Variants in CNTN6 observed in about 807,000 individuals in gnomAD.
CNTN6 encodes contactin-6.
Under a neutral mutation model 122.8 loss-of-function variants are expected in CNTN6, and 137 were observed. The ratio of observed to expected loss-of-function variants is 1.12; its 90% CI spans 0.97 to 1.29. The LOEUF (loss-of-function observed/expected upper bound fraction) is 1.29, where lower values mean the gene tolerates loss of function less well. Among genes scored for constraint, CNTN6 ranks in the 50% most tolerant of loss-of-function variants. The pLI is 0.00. For synonymous variants in CNTN6, 570 were observed against 426.0 expected (o/e 1.34, Z -4.16); for missense variants, 1,634 against 1,223.4 (o/e 1.34, Z -5.01).
chr3:1,336,036 G>A (rs755987012), intron 11 of CNTN6, among the ~76,000 whole-genome samples: 1 of 142,226 alleles, frequency 7.0e-6, no homozygotes, highest in Non-Finnish European at 1.6e-5. Context: ...GGTAACAGAG[G>A]GAGACCCTGT....
chr3:1,196,453 A>AT (rs1358546273), intron 2 of CNTN6, among the ~76,000 whole-genome samples: 9 of 152,092 alleles, frequency 5.9e-5, no homozygotes, highest in African/African-American at 2.4e-5. Context: ...AGAAGAAGAG[A>AT]TTTTTTTGTT....
chr3:1,124,984 C>T (rs2092107407), intron 1 of CNTN6, among the ~76,000 whole-genome samples: 1 of 151,882 alleles, frequency 6.6e-6, no homozygotes. Flanking sequence ...CAGTGCCAGT[C>T]ACAAAGTAGT....
chr3:1,315,097 C>A (rs1161690339), intron 7 of CNTN6, among the ~76,000 whole-genome samples: 1 of 151,904 alleles, frequency 6.6e-6, no homozygotes, highest in Non-Finnish European at 1.5e-5. Context: ...GATAATGGCA[C>A]CATTTGTTTT....
chr3:1,342,314 G>C (rs2126040941), intron 11 of CNTN6, among the ~76,000 whole-genome samples: 1 of 152,204 alleles, frequency 6.6e-6, no homozygotes, highest in Non-Finnish European at 1.5e-5. Context: ...ATTTTTAGTA[G>C]GGAAGGGGTT....
rs140464913 is a variant in CNTN6, at chr3:1,176,512, A to G, written c.55+28449A>G. Among the ~76,000 whole-genome samples the G allele has an allele frequency of 3.9e-3, 596 of 152,320 alleles. 1 individual carries two copies. Among genetic ancestry groups the G allele is most frequent in the Non-Finnish European group, 5.9e-3 (404 of 68,034 alleles). On this transcript the variant is annotated intron_variant, in intron 2 of 22. Coordinates refer to ENST00000446702, the MANE Select transcript of CNTN6 (RefSeq NM_001289080.2). Reference sequence around the variant, plus strand: ...ACTAGCATGCAACGGTGATGGAGAAATATTAGCCACAAAGATACGAGGCAA... The same window carrying G: ...ACTAGCATGCAACGGTGATGGAGAAGTATTAGCCACAAAGATACGAGGCAA...
At chr3:1,130,012 G>C (rs1180375893) in intron 1 of CNTN6, among the ~76,000 whole-genome samples, 1 of 151,908 alleles carries the variant, frequency 6.6e-6, no homozygotes, top group Non-Finnish European at 1.5e-5. Flanking sequence ...AGTTTAAAAA[G>C]CAAATCTTTA....
chr3:1,356,865 C>T (rs1706635116), intron 12 of CNTN6, among the ~76,000 whole-genome samples: 1 of 151,736 alleles, frequency 6.6e-6, no homozygotes, highest in Admixed American at 6.6e-5. Context: ...ATTTCCTGTT[C>T]CAATATTGAA....
chr3:1,388,859 G>C (rs1175030558), intron 20 of CNTN6, among the ~76,000 whole-genome samples: 4 of 143,808 alleles, frequency 2.8e-5, no homozygotes, highest in African/African-American at 7.9e-5. Flanking sequence ...GGGAAGTTTA[G>C]AGAAAAAAGA....
chr3:1,127,799 A>T (rs1021593140), intron 1 of CNTN6, among the ~76,000 whole-genome samples: 2 of 151,862 alleles, frequency 1.3e-5, no homozygotes, highest in African/African-American at 4.8e-5. Flanking sequence ...CAGGCCTTTC[A>T]TTCGGCCAAA....
rs1290336036 is a variant in CNTN6 at position 1,372,933 on chromosome 3, A to G, written c.1764A>G (p.Ala588=). ...AAACAACCCTAGAAAGTTTATCTGC[A>G]GTAGCCGATATCATTGTTAGAGGTA... is the stretch of plus-strand genomic sequence containing the variant. ...TVQTTLESLS[A]VADIIVRGPP... is the part of the protein sequence containing the mutation. The change falls in exon 14 of 23, where the codon GCA becomes GCG. Residue 588 remains alanine (A), a synonymous_variant. Coordinates refer to ENST00000446702, the MANE Select transcript of CNTN6 (RefSeq NM_001289080.2). 2 of 1,586,410 alleles carry G rather than the reference A, an allele frequency of 1.3e-6. No homozygotes were observed. Among genetic ancestry groups the G allele is most frequent in the African/African-American group, 1.3e-5 (1 of 74,236 alleles).
At chr3:1,173,573 G>T (rs943900644) in intron 2 of CNTN6, among the ~76,000 whole-genome samples, 3 of 152,126 alleles carry the variant, frequency 2.0e-5, no homozygotes, top group African/African-American at 7.2e-5. Context: ...AATGCCCAAG[G>T]ATGTTCCACT....
intron 1 of CNTN6, among the ~76,000 whole-genome samples, chr3:1,140,449 A>T (rs1297815712): frequency 6.6e-6 from 1 of 152,172 alleles, no homozygotes; most frequent in Non-Finnish European, 1.5e-5. Flanking sequence ...ACTATCACCT[A>T]TATATGTAAA....
chr3:1,122,830 A>G lies in CNTN6; in HGVS notation c.-82-25097A>G, dbSNP rs1007837117. On this transcript the variant is annotated intron_variant, in intron 1 of 22. Coordinates refer to ENST00000446702, the MANE Select transcript of CNTN6 (RefSeq NM_001289080.2). ...TATTCCATTTTATGTACATATCACAATTTGTTTGTTAGTTGAGCATTTGGG... is the reference window on the plus strand; with the variant it reads ...TATTCCATTTTATGTACATATCACAGTTTGTTTGTTAGTTGAGCATTTGGG... Among the ~76,000 whole-genome samples the G allele has an allele frequency of 4.6e-5, 7 of 151,876 alleles. No individual in the cohort carries two copies. The East Asian group carries it at 5.8e-4, about 13-fold the overall frequency.
intron 4 of CNTN6, among the ~76,000 whole-genome samples, chr3:1,256,931 C>T (rs1264536019): frequency 6.6e-6 from 1 of 152,116 alleles, no homozygotes; most frequent in Non-Finnish European, 1.5e-5. Flanking sequence ...GTAGGTTATA[C>T]ATTTTAAATG....
intron 2 of CNTN6, among the ~76,000 whole-genome samples, chr3:1,207,313 C>T (rs939158272): frequency 1.3e-5 from 2 of 152,042 alleles, no homozygotes; most frequent in Admixed American, 6.6e-5. Context: ...TTACAAATCT[C>T]ATTGCTTTAA....
chr3:1,371,024 T>C (rs1170151531), intron 12 of CNTN6, among the ~76,000 whole-genome samples: 2 of 152,172 alleles, frequency 1.3e-5, no homozygotes, highest in East Asian at 3.9e-4. Context: ...CTTTTGTCAG[T>C]ATGTACCTTA....
intron 4 of CNTN6, among the ~76,000 whole-genome samples, chr3:1,262,367 G>C (rs2094859786): frequency 6.6e-6 from 1 of 152,156 alleles, no homozygotes; most frequent in African/African-American, 2.4e-5. Flanking sequence ...ATGCAAAGCA[G>C]AGTTAACAGA....
chr3:1,364,213 G>A (rs1472313175), intron 12 of CNTN6, among the ~76,000 whole-genome samples: 3 of 151,814 alleles, frequency 2.0e-5, no homozygotes, highest in African/African-American at 7.2e-5. Context: ...ATTTTTAAAG[G>A]TATTTATTTC....
chr3:1,201,669 A>C (rs1429085323), intron 2 of CNTN6, among the ~76,000 whole-genome samples: 1 of 152,196 alleles, frequency 6.6e-6, no homozygotes, highest in Non-Finnish European at 1.5e-5. Flanking sequence ...AATTTAGGAA[A>C]AACTTTTATT....
Sources: allele counts gnomAD v4.1 joint callset (sites outside exome capture counted in the v4.1 genomes callset), GRCh38; gene constraint gnomAD v4.1.1; transcripts MANE v1.5; gene names NCBI Gene and HGNC (gene_info 2026-07-23, HGNC 2026-07-21).